Variants in WASF2 observed in about 807,000 individuals in gnomAD.
WASF2 encodes WASP family member 2.
A neutral mutation model predicts 45.0 loss-of-function variants in WASF2; 14 were observed. That is an observed-to-expected ratio of 0.31 (90% confidence interval 0.21 to 0.49). WASF2 has a LOEUF of 0.49. Among genes scored for constraint, WASF2 ranks in the 20% least tolerant of loss-of-function variants. WASF2 has a pLI of 0.99. For missense variants in WASF2, 439 were observed against 636.1 expected, an observed-to-expected ratio of 0.69 and a Z score of 3.33; for synonymous variants, 200 against 236.3, an observed-to-expected ratio of 0.85 and a Z score of 1.41.
intron 1 of WASF2, among the ~76,000 whole-genome samples, chr1:27,463,485 T>A (rs1273538854): frequency 2.0e-5 from 3 of 151,020 alleles, no homozygotes; most frequent in Non-Finnish European, 4.4e-5. Context: ...ATCAGCCGAG[T>A]GGTGGCGGGT....
chr1:27,488,609 C>G (rs966437796), intron 1 of WASF2, among the ~76,000 whole-genome samples: 1 of 152,190 alleles, frequency 6.6e-6, no homozygotes, highest in African/African-American at 2.4e-5. Context: ...TTCAAAGGGA[C>G]TTTTACGACT....
At chr1:27,469,903 C>G (rs1383763354) in intron 1 of WASF2, among the ~76,000 whole-genome samples, 2 of 151,924 alleles carry the variant, frequency 1.3e-5, no homozygotes, top group Non-Finnish European at 2.9e-5. Flanking sequence ...GAGATCGCAC[C>G]ACCACACTCC....
chr1:27,409,253 T>G (rs1189050404), intron 8 of WASF2, among the ~76,000 whole-genome samples: 1 of 151,272 alleles, frequency 6.6e-6, no homozygotes, highest in Non-Finnish European at 1.5e-5. Context: ...TAAAACTCCA[T>G]CTCTACTAAA....
chr1:27,413,289 C>T (rs1003464421), intron 6 of WASF2, among the ~76,000 whole-genome samples: 16 of 152,128 alleles, frequency 1.1e-4, no homozygotes, highest in Admixed American at 5.2e-4. Flanking sequence ...AATGAGCTGA[C>T]GATTAAAGTA....
Position 27,410,068 on chromosome 1 carries a change from G to A in WASF2, c.963C>T (p.Ala321=), listed in dbSNP as rs1294027631. Residue 321 remains alanine, a synonymous_variant, in exon 8 of 9, where the codon GCC becomes GCT. Coordinates refer to ENST00000618852, the MANE Select transcript of WASF2 (RefSeq NM_006990.5). The surrounding 1 kb of genome is among the most constrained non-coding windows in gnomAD (Gnocchi z 4.2). The part of the protein sequence containing the change: ...GPKPGFAPPP[A]PPPPPPPMIG... ...TCATTGGAGGCGGAGGTGGCGGAGG[G>A]GCAGGTGGTGGAGCAAACCCGGGTT... 1.9e-6 allele frequency: 3 copies of A among 1,613,158 alleles called. No homozygotes were observed. Among genetic ancestry groups the A allele is most frequent in the Non-Finnish European group, 1.7e-6 (2 of 1,179,494 alleles).
chr1:27,443,843 T>G (rs1490891314), intron 1 of WASF2, among the ~76,000 whole-genome samples: 2 of 151,040 alleles, frequency 1.3e-5, no homozygotes, highest in Non-Finnish European at 3.0e-5. Flanking sequence ...CAGGGGGGGG[T>G]GATCTCAGCT....
chr1:27,411,824 T>C (rs1214846878), intron 7 of WASF2, among the ~76,000 whole-genome samples: 3 of 152,146 alleles, frequency 2.0e-5, no homozygotes, highest in Non-Finnish European at 2.9e-5. Flanking sequence ...GATCGCGCCA[T>C]TGCACTCCAG....
chr1:27,420,391 A>G (rs568763493), intron 2 of WASF2, among the ~76,000 whole-genome samples: 7 of 152,292 alleles, frequency 4.6e-5, no homozygotes, highest in Admixed American at 3.9e-4. Context: ...GAATGCAAGG[A>G]GAATTTGCAG....
intron 1 of WASF2, among the ~76,000 whole-genome samples, chr1:27,457,621 CT>C (rs759707887): frequency 6.8e-3 from 949 of 139,894 alleles, no homozygotes; most frequent in Middle Eastern, 7.4e-3. Flanking sequence ...ATATTGTGAC[CT>C]TTTTTTTTTT....
chr1:27,429,644 C>T (rs1486935271), intron 1 of WASF2, among the ~76,000 whole-genome samples: 1 of 151,872 alleles, frequency 6.6e-6, no homozygotes, highest in African/African-American at 2.4e-5. Flanking sequence ...AGGCGTGTCG[C>T]GGGTGCCTGT....
At chr1:27,439,227 G>A (rs1400076129) in intron 1 of WASF2, among the ~76,000 whole-genome samples, 6 of 152,188 alleles carry the variant, frequency 3.9e-5, no homozygotes, top group African/African-American at 1.4e-4. Context: ...CTGTAAAGTT[G>A]TTGTGAAGAA....
Position 27,415,944 on chromosome 1 carries a change from G to A in WASF2, c.537+41C>T, listed in dbSNP as rs1325744927. On this transcript the variant is annotated intron_variant, in intron 5 of 8. Transcript: ENST00000618852. ...TTCCTTTTTATCCCCCTCCACAATCGTGCCTACTGATGTGGAGAACAGAGG... is the reference window on the plus strand; with the variant it reads ...TTCCTTTTTATCCCCCTCCACAATCATGCCTACTGATGTGGAGAACAGAGG... 3.3e-6 allele frequency: 5 copies of A among 1,518,752 alleles called. No individual in the cohort carries two copies. In the African/African-American group the frequency reaches 4.1e-5, roughly 13 times the overall value. 94.1% of individuals were successfully genotyped at this position (1,518,752 alleles called of 1,614,324 possible).
chr1:27,410,240 C>T lies in WASF2; in HGVS notation c.825-34G>A, dbSNP rs756435681. 6.2e-7 allele frequency: 1 copy of T among 1,612,138 alleles called. No individual in the cohort carries two copies. The highest frequency in any genetic ancestry group is 8.5e-7 in the Non-Finnish European group (1 of 1,178,936). On this transcript the variant is annotated intron_variant, in intron 7 of 8. Transcript: ENST00000618852. This position sits in a 1 kb window ranked among gnomAD's most constrained non-coding sequence, Gnocchi z 4.2. Reference sequence around the variant, plus strand: ...CCAAAGAAAAAAAGACTCACCATCACCCTTAGAATGCAGACACCTATCTAC... The same window carrying T: ...CCAAAGAAAAAAAGACTCACCATCATCCTTAGAATGCAGACACCTATCTAC...
At chr1:27,419,511 A>G (rs1430667368) in intron 2 of WASF2, among the ~76,000 whole-genome samples, 4 of 152,166 alleles carry the variant, frequency 2.6e-5, no homozygotes, top group African/African-American at 9.7e-5. Context: ...GCTACTGGGG[A>G]GGTTGAGGCA....
intron 2 of WASF2, among the ~76,000 whole-genome samples, chr1:27,421,347 T>C (rs1020108222): frequency 1.3e-5 from 2 of 152,204 alleles, no homozygotes; most frequent in East Asian, 1.9e-4. Context: ...TGCAACATTA[T>C]GTGTGGAAAA....
At chr1:27,488,236 C>T (rs1487480124) in intron 1 of WASF2, among the ~76,000 whole-genome samples, 1 of 152,118 alleles carries the variant, frequency 6.6e-6, no homozygotes, top group African/African-American at 2.4e-5. Context: ...TCTGATTAAC[C>T]AAAAGCTCTG....
intron 1 of WASF2, among the ~76,000 whole-genome samples, chr1:27,466,122 T>C (rs994958530): frequency 3.3e-5 from 5 of 152,200 alleles, no homozygotes; most frequent in Admixed American, 1.3e-4. Flanking sequence ...TTTTGAAAAC[T>C]AGTAAATGAA....
intron 1 of WASF2, among the ~76,000 whole-genome samples, chr1:27,444,101 G>A (rs1048615242): frequency 2.6e-5 from 4 of 152,010 alleles, no homozygotes; most frequent in African/African-American, 9.7e-5. Context: ...ATTTTTTTGA[G>A]ACAGGGTCTG....
rs146728512 is a variant in WASF2, at chr1:27,416,065, G to C, written c.457C>G (p.Pro153Ala). 1 of 1,614,016 alleles carries C rather than the reference G, an allele frequency of 6.2e-7. No individual in the cohort carries two copies. Among genetic ancestry groups the C allele is most frequent in the Non-Finnish European group, 8.5e-7 (1 of 1,179,972 alleles). The change falls in exon 5 of 9, where the codon CCT becomes GCT. Residue 153 changes from proline (P) to alanine (A), a missense_variant. Transcript: ENST00000618852. Reference protein sequence around the residue: ...GKEALKFYTDPSYFFDLWKEK... With the variant: ...GKEALKFYTDASYFFDLWKEK... ...TTCCAAAGATCAAAGAAGTATGAAG[G>C]GTCTGTGTAGAATTTGAGTGCCTCT...
Sources: gnomAD v4.1 joint callset for allele counts (sites outside exome capture counted in the v4.1 genomes callset) on GRCh38, gnomAD v4.1.1 for gene constraint, Gnocchi (gnomAD v3.1) non-coding constraint, MANE v1.5 for transcripts, NCBI Gene and HGNC (gene_info 2026-07-23, HGNC 2026-07-21) for gene names.